Variants in RARB observed in about 807,000 individuals in gnomAD.
The protein encoded by RARB is HBV-activated protein.
In RARB, 17 loss-of-function variants were observed where a neutral mutation model predicts 51.9. The observed-to-expected ratio is 0.33, with a 90% CI of 0.22 to 0.49. The LOEUF is 0.49. Ranked by LOEUF, RARB falls within the 20% of genes least tolerant of loss-of-function variation. The pLI, the probability that RARB is intolerant of heterozygous loss-of-function variation, is 0.99. For missense variants in RARB, 369 were observed against 550.8 expected, an observed-to-expected ratio of 0.67 and a Z score of 3.30; for synonymous variants, 215 against 195.4, an observed-to-expected ratio of 1.10 and a Z score of -0.84.
chr3:24,985,349 G>GTTTT (rs10715822), intron 2 of RARB, among the ~76,000 whole-genome samples: 2 of 131,274 alleles, frequency 1.5e-5, no homozygotes, highest in South Asian at 2.5e-4. Context: ...TGGTTTTTTT[G>GTTTT]TTTTTTTTTT....
At chr3:24,887,596 G>C (rs1050567437) in intron 2 of RARB, among the ~76,000 whole-genome samples, 4 of 152,212 alleles carry the variant, frequency 2.6e-5, no homozygotes, top group African/African-American at 4.8e-5. Flanking sequence ...TACACTTACT[G>C]TAATGAAAGA....
intron 5 of RARB, among the ~76,000 whole-genome samples, chr3:25,289,415 A>C (rs1486208572): frequency 1.3e-5 from 2 of 152,178 alleles, no homozygotes; most frequent in Non-Finnish European, 2.9e-5. Context: ...AATCACAAAG[A>C]GTTCCCTTTT....
chr3:25,581,495 C>G (rs1701175356), intron 5 of RARB, among the ~76,000 whole-genome samples: 1 of 152,132 alleles, frequency 6.6e-6, no homozygotes, highest in Admixed American at 6.5e-5. Context: ...CCCCCTTACC[C>G]TCTTTAAGGC....
chr3:25,196,607 A>C (rs540947592), intron 5 of RARB, among the ~76,000 whole-genome samples: 2 of 152,120 alleles, frequency 1.3e-5, no homozygotes, highest in Non-Finnish European at 2.9e-5. Context: ...GGCTGGGTCA[A>C]ATGGTATTAC....
At chr3:25,261,797 A>G (rs376899927) in intron 5 of RARB, among the ~76,000 whole-genome samples, 3 of 152,170 alleles carry the variant, frequency 2.0e-5, no homozygotes, top group African/African-American at 4.8e-5. Context: ...CTTTACCTTC[A>G]TGCCTTACAT....
chr3:25,486,030 A>G (rs1696452130), intron 2 of RARB, among the ~76,000 whole-genome samples: 1 of 152,224 alleles, frequency 6.6e-6, no homozygotes, highest in Non-Finnish European at 1.5e-5. Context: ...AAACTCACAA[A>G]TATCAGATAT....
At chr3:24,866,432 T>C (rs953660984) in intron 2 of RARB, among the ~76,000 whole-genome samples, 1 of 152,136 alleles carries the variant, frequency 6.6e-6, no homozygotes, top group Non-Finnish European at 1.5e-5. Flanking sequence ...AATGACCCGT[T>C]GTAACACAAG....
chr3:24,908,061 C>G (rs138663922), intron 2 of RARB, among the ~76,000 whole-genome samples: 133 of 152,162 alleles, frequency 8.7e-4, no homozygotes, highest in African/African-American at 2.6e-3. Flanking sequence ...AGAGGTATTC[C>G]TTTCCTGTTC....
Position 25,112,316 on chromosome 3 carries a change from C to T in RARB, c.-327-19845C>T, listed in dbSNP as rs913334467. 9.2e-5 allele frequency among the ~76,000 whole-genome samples: 14 copies of T among 152,208 alleles called. No individual in the cohort carries two copies. In the East Asian group the frequency reaches 1.2e-3, roughly 13 times the overall value. The stretch of plus-strand genomic sequence containing the variant: ...TGCTACTCAAATCACAGTACAGCAG[C>T]GGCAGCATCACCTGGAAGCTTGTTA... On this transcript the variant is annotated intron_variant, in intron 3 of 11. Coordinates refer to the RARB transcript ENST00000383772.
chr3:25,334,111 A>T lies in RARB; in HGVS notation c.179-127082A>T, dbSNP rs377250119. Among the ~76,000 whole-genome samples, 221 of 152,282 alleles carry T rather than the reference A, an allele frequency of 1.5e-3. 2 individuals carry two copies. Among genetic ancestry groups the T allele is most frequent in the Admixed American group, 3.0e-3 (46 of 15,288 alleles). ...TAAACTAGTTCAACCATTGTGGAAG[A>T]CAGTGTGGCGATTCCTCAGGGATCT... On this transcript the variant is annotated intron_variant, in intron 5 of 11. Coordinates refer to the RARB transcript ENST00000383772.
intron 3 of RARB, among the ~76,000 whole-genome samples, chr3:25,110,293 T>G (rs542867427): frequency 1.3e-5 from 2 of 152,322 alleles, no homozygotes; most frequent in South Asian, 4.1e-4. Context: ...AACGAACATG[T>G]TTACAGCATT....
At chr3:25,026,031 C>CA (rs931243534) in intron 2 of RARB, among the ~76,000 whole-genome samples, 2 of 152,054 alleles carry the variant, frequency 1.3e-5, no homozygotes, top group African/African-American at 4.8e-5. Flanking sequence ...AACCAGTGTA[C>CA]AAATTAGATG....
intron 5 of RARB, among the ~76,000 whole-genome samples, chr3:25,341,386 A>G (rs1280228617): frequency 6.6e-6 from 1 of 152,202 alleles, no homozygotes; most frequent in African/African-American, 2.4e-5. Context: ...TACTGAGTAG[A>G]AAAAGGTTGT....
intron 4 of RARB, among the ~76,000 whole-genome samples, chr3:25,163,504 A>AAAAAAAAAAAAAAAAATATATATATAT (rs1303712411): frequency 2.3e-5 from 3 of 131,088 alleles, no homozygotes; most frequent in African/African-American, 9.6e-5. Flanking sequence ...CCTATCTCAA[A>AAAAAAAAAAAAAAAAATATATATATAT]ATATATATAT....
chr3:24,971,568 G>A (rs910322037), intron 2 of RARB, among the ~76,000 whole-genome samples: 3 of 152,018 alleles, frequency 2.0e-5, no homozygotes, highest in East Asian at 3.9e-4. Flanking sequence ...AAATGCCAAA[G>A]CTAAGTTTTT....
At chr3:25,389,168 T>C (rs981955312) in intron 5 of RARB, among the ~76,000 whole-genome samples, 3 of 152,152 alleles carry the variant, frequency 2.0e-5, no homozygotes, top group African/African-American at 7.2e-5. Context: ...AAACAATCTG[T>C]CCGTTTTCTT....
intron 2 of RARB, among the ~76,000 whole-genome samples, chr3:24,912,306 G>C (rs1695005427): frequency 6.6e-6 from 1 of 152,098 alleles, no homozygotes; most frequent in East Asian, 1.9e-4. Context: ...GAACATTTCT[G>C]TACCTCCATT....
intron 2 of RARB, among the ~76,000 whole-genome samples, chr3:24,893,430 C>T (rs1341672901): frequency 6.6e-6 from 1 of 152,182 alleles, no homozygotes; most frequent in Non-Finnish European, 1.5e-5. Flanking sequence ...CTCTGTGCAT[C>T]GTGCTTTGGG....
chr3:25,078,444 A>C (rs183383721), intron 3 of RARB, among the ~76,000 whole-genome samples: 2 of 151,590 alleles, frequency 1.3e-5, no homozygotes, highest in East Asian at 3.9e-4. Context: ...TTAATTTTCT[A>C]TTCCTTTTAT....
Sources: gnomAD v4.1 joint callset for allele counts (sites outside exome capture counted in the v4.1 genomes callset) on GRCh38, gnomAD v4.1.1 for gene constraint, MANE v1.5 for transcripts, NCBI Gene and HGNC (gene_info 2026-07-23, HGNC 2026-07-21) for gene names.